Variants in ARL6IP6 observed in about 807,000 individuals in gnomAD.
The protein encoded by ARL6IP6 is ADP-ribosylation factor-like protein 6-interacting protein 6.
In ARL6IP6, 22 loss-of-function variants were observed where a neutral mutation model predicts 21.5. That is an observed-to-expected ratio of 1.02 (90% CI 0.73 to 1.46). ARL6IP6 has a LOEUF of 1.46. ARL6IP6 is among the 40% of genes most tolerant of loss of function. ARL6IP6 has a pLI of 0.00. For missense variants in ARL6IP6, 388 were observed against 299.8 expected, an observed-to-expected ratio of 1.29 and a Z score of -2.17; for synonymous variants, 164 against 125.3, an observed-to-expected ratio of 1.31 and a Z score of -2.06.
intron 2 of ARL6IP6, among the ~76,000 whole-genome samples, chr2:152,727,694 G>C (rs1035824498): frequency 6.6e-6 from 1 of 152,076 alleles, no homozygotes; most frequent in Admixed American, 6.5e-5. Flanking sequence ...TTACAGTCGC[G>C]TGCAGTATTT....
At position 152,759,936 on chromosome 2, in the gene ARL6IP6, C is replaced by G. The variant is rs968622711; in HGVS notation, c.*96C>G. On this transcript the variant is annotated 3_prime_UTR_variant, in exon 4 of 4. Coordinates refer to ENST00000326446, the MANE Select transcript of ARL6IP6 (RefSeq NM_152522.7). ...CTGTCTACTCAGAAGACTGAGAAAC[C>G]TGCTGTTCATTATGTAGTTCAGATA... The G allele has an allele frequency of 1.0e-6, 1 of 991,216 alleles. No homozygotes were observed. 61.4% of individuals were successfully genotyped at this position (991,216 alleles called of 1,614,324 possible).
At position 152,720,594 on chromosome 2, in the gene ARL6IP6, C is replaced by T. The variant is rs1418578754; in HGVS notation, c.454+8C>T. 2 of 1,611,330 alleles carry T rather than the reference C, an allele frequency of 1.2e-6. No individual in the cohort carries two copies. The highest frequency in any genetic ancestry group is 1.7e-6 in the Non-Finnish European group (2 of 1,178,384). ...TAGACACTGGACTATTAGGTATGGA[C>T]TTAATTGCCGCTTGCTTTGGTTTTG... is the stretch of plus-strand genomic sequence containing the variant. On this transcript the variant is annotated splice_region_variant and intron_variant, in intron 2 of 3. Coordinates refer to ENST00000326446, the MANE Select transcript of ARL6IP6 (RefSeq NM_152522.7).
intron 2 of ARL6IP6, among the ~76,000 whole-genome samples, chr2:152,732,847 C>T (rs781486429): frequency 9.2e-5 from 14 of 151,472 alleles, no homozygotes; most frequent in Admixed American, 1.3e-4. Context: ...AGTTGTTATA[C>T]TGTATTGGTT....
chr2:152,748,335 G>A (rs1701155992), intron 3 of ARL6IP6, among the ~76,000 whole-genome samples: 1 of 152,178 alleles, frequency 6.6e-6, no homozygotes, highest in African/African-American at 2.4e-5. Flanking sequence ...TTTCTAAAAA[G>A]GAAATGCTTT....
intron 1 of ARL6IP6, chr2:152,719,803 C>T (rs934349380): frequency 1.5e-4 from 55 of 360,610 alleles, no homozygotes; most frequent in Non-Finnish European, 3.0e-4. Flanking sequence ...TGAAAAGCAC[C>T]CAAAACATTG....
At chr2:152,724,897 T>TA (rs11349784) in intron 2 of ARL6IP6, among the ~76,000 whole-genome samples, 6 of 150,608 alleles carry the variant, frequency 4.0e-5, no homozygotes, top group Admixed American at 1.3e-4. Context: ...AAACCTGACA[T>TA]AAAAAAAAAA....
At chr2:152,724,703 A>T (rs1278220242) in intron 2 of ARL6IP6, among the ~76,000 whole-genome samples, 1 of 152,242 alleles carries the variant, frequency 6.6e-6, no homozygotes, top group Non-Finnish European at 1.5e-5. Context: ...GTCAAAAGTT[A>T]GCTGGCATCA....
At chr2:152,717,873 G>A (rs1236644050), upstream of ARL6IP6, 5 of 1,059,176 alleles carry the variant, frequency 4.7e-6, no homozygotes, top group East Asian at 1.8e-4. Flanking sequence ...GGGGTAAGCA[G>A]CCTGTAGTGT....
At chr2:152,717,959 G>A, upstream of ARL6IP6, 1 of 1,008,924 alleles carries the variant, frequency 9.9e-7, no homozygotes, top group South Asian at 3.8e-5. Context: ...CGAAAGGAGG[G>A]GTTCGGAGGA....
At chr2:152,726,978 T>C (rs1201748649) in intron 2 of ARL6IP6, among the ~76,000 whole-genome samples, 1 of 152,214 alleles carries the variant, frequency 6.6e-6, no homozygotes, top group Non-Finnish European at 1.5e-5. Context: ...ATGTTACTGG[T>C]TTATGTATTT....
intron 2 of ARL6IP6, 112 bp from the exon 3 acceptor site, chr2:152,734,882 C>A: frequency 1.8e-6 from 2 of 1,097,126 alleles, no homozygotes; most frequent in Non-Finnish European, 2.6e-6. Flanking sequence ...ATATCAGATC[C>A]ATATAATTTA....
In ARL6IP6 at chr2:152,719,122, T is replaced by C. The variant is rs1354854815; in HGVS notation, c.400+98T>C. The stretch of plus-strand genomic sequence containing the variant: ...TCTCCCTTTCCCTCGCGCTAAGCCC[T>C]CAGGCTGGCAGCTGCTTTCACCCAG... On this transcript the variant is annotated intron_variant, in intron 1 of 3. Coordinates refer to ENST00000326446, the MANE Select transcript of ARL6IP6 (RefSeq NM_152522.7). The C allele has an allele frequency of 2.2e-6, 3 of 1,343,956 alleles. No individual in the cohort carries two copies. In the Admixed American group the frequency reaches 8.5e-5, roughly 38 times the overall value. 83.3% of individuals were successfully genotyped at this position (1,343,956 alleles called of 1,614,324 possible).
At chr2:152,759,672 G>T in intron 3 of ARL6IP6, 75 bp from the exon 4 acceptor site, 1 of 1,177,154 alleles carries the variant, frequency 8.5e-7, no homozygotes, top group Non-Finnish European at 1.3e-6. Context: ...AAGTATTTTC[G>T]ATGAAAACTT....
chr2:152,745,936 T>C (rs1216397455), intron 3 of ARL6IP6, among the ~76,000 whole-genome samples: 3 of 149,898 alleles, frequency 2.0e-5, no homozygotes, highest in Non-Finnish European at 4.4e-5. Flanking sequence ...CTCTAGGAAA[T>C]TGTATTAACT....
chr2:152,750,284 G>T (rs1224887726), intron 3 of ARL6IP6, among the ~76,000 whole-genome samples: 1 of 152,034 alleles, frequency 6.6e-6, no homozygotes, highest in Non-Finnish European at 1.5e-5. Flanking sequence ...GACCAGCCTG[G>T]CCAACATGGT....
intron 3 of ARL6IP6, among the ~76,000 whole-genome samples, chr2:152,758,975 C>T (rs1282073080): frequency 6.6e-6 from 1 of 152,140 alleles, no homozygotes; most frequent in African/African-American, 2.4e-5. Context: ...GTATTCTGTT[C>T]TGCCTTCTAG....
intron 3 of ARL6IP6, among the ~76,000 whole-genome samples, chr2:152,746,001 C>CTTTTTTTTT (rs67760283): frequency 3.0e-4 from 20 of 66,386 alleles, no homozygotes; most frequent in Non-Finnish European, 3.6e-4. Context: ...TGCTTTGTAC[C>CTTTTTTTTT]TTTTTTTTTT....
intron 1 of ARL6IP6, among the ~76,000 whole-genome samples, 157 bp downstream of exon 1, chr2:152,719,181 C>A (rs1229609962): frequency 6.6e-6 from 1 of 152,094 alleles, no homozygotes; most frequent in Non-Finnish European, 1.5e-5. Context: ...GCTCTCCCGC[C>A]CTTTGCCTTT....
At position 152,729,389 on chromosome 2, in the gene ARL6IP6, C is replaced by A. The variant is rs527531344; in HGVS notation, c.455-5605C>A. Among the ~76,000 whole-genome samples the A allele has an allele frequency of 3.9e-5, 6 of 152,122 alleles. 1 individual carries two copies. The highest frequency in any genetic ancestry group is 3.9e-4 in the Admixed American group (6 of 15,288). ...ACACATATATGCACACACATCATTTCATCAACTGATGAATATTGAGCTGTA... is the reference window on the plus strand; with the variant it reads ...ACACATATATGCACACACATCATTTAATCAACTGATGAATATTGAGCTGTA... On this transcript the variant is annotated intron_variant, in intron 2 of 3. Coordinates refer to ENST00000326446, the MANE Select transcript of ARL6IP6 (RefSeq NM_152522.7).
Sources: allele counts gnomAD v4.1 joint callset (sites outside exome capture counted in the v4.1 genomes callset), GRCh38; gene constraint gnomAD v4.1.1; transcripts MANE v1.5; gene names NCBI Gene and HGNC (gene_info 2026-07-23, HGNC 2026-07-21).